Variants in CCSER1 observed in about 807,000 individuals in gnomAD.
CCSER1 encodes the protein coiled-coil serine rich protein 1, also known as serine-rich coiled-coil domain-containing protein 1.
In CCSER1, 41 loss-of-function variants were observed where a neutral mutation model predicts 82.0. That is an observed-to-expected ratio of 0.50 (90% confidence interval 0.39 to 0.65). The LOEUF (loss-of-function observed/expected upper bound fraction) is 0.65, where lower values mean the gene tolerates loss of function less well. Ranked by LOEUF, CCSER1 falls within the 30% of genes least tolerant of loss-of-function variation. The pLI is 0.00. For missense variants in CCSER1, 1,119 were observed against 1,064.2 expected, an observed-to-expected ratio of 1.05 and a Z score of -0.72; for synonymous variants, 414 against 383.9, an observed-to-expected ratio of 1.08 and a Z score of -0.92.
In CCSER1 at chr4:90,497,817, C is replaced by T. The variant is rs552066472; in HGVS notation, c.1724+29463C>T. ...ATTAAGCTAAAGAGATGTAACTTGG[C>T]TTTATCTAAAGGTGGGATTCAGGTC... is the stretch of plus-strand genomic sequence containing the variant. On this transcript the variant is annotated intron_variant, in intron 5 of 10. Transcript: ENST00000509176. Among the ~76,000 whole-genome samples the T allele has an allele frequency of 7.2e-5, 11 of 152,206 alleles. No homozygotes were observed. The South Asian group carries it at 2.3e-3, about 32-fold the overall frequency.
chr4:90,469,319 T>G (rs977570453), intron 5 of CCSER1, among the ~76,000 whole-genome samples: 40 of 152,172 alleles, frequency 2.6e-4, no homozygotes, highest in African/African-American at 8.9e-4. Flanking sequence ...GTATTAATAT[T>G]CTTATTATAG....
intron 9 of CCSER1, among the ~76,000 whole-genome samples, chr4:91,070,929 TAAG>T (rs1250318196): frequency 6.6e-6 from 1 of 152,172 alleles, no homozygotes; most frequent in East Asian, 1.9e-4. Context: ...GATAGTGTGA[TAAG>T]AAAATGCTGA....
chr4:90,713,315 G>A (rs761300712), intron 6 of CCSER1, among the ~76,000 whole-genome samples: 1 of 152,016 alleles, frequency 6.6e-6, no homozygotes, highest in Non-Finnish European at 1.5e-5. Context: ...GCTTCCTTCA[G>A]GAGCTCTTGC....
intron 5 of CCSER1, among the ~76,000 whole-genome samples, chr4:90,565,654 G>GTGTGT (rs1779278561): frequency 1.3e-5 from 2 of 152,118 alleles, no homozygotes; most frequent in Admixed American, 6.6e-5. Context: ...TGTCATATAT[G>GTGTGT]ATTTTTATTA....
intron 8 of CCSER1, among the ~76,000 whole-genome samples, chr4:90,899,644 G>C (rs1468927517): frequency 6.6e-6 from 1 of 151,958 alleles, no homozygotes; most frequent in African/African-American, 2.4e-5. Context: ...AGATTGTTGA[G>C]GGTTTTTATC....
At chr4:90,548,749 T>TATATATATAC (rs950440676) in intron 5 of CCSER1, among the ~76,000 whole-genome samples, 36 of 147,846 alleles carry the variant, frequency 2.4e-4, no homozygotes, top group African/African-American at 7.8e-4. Context: ...TATATATATA[T>TATATATATAC]ACACACACAC....
At chr4:91,068,011 T>C (rs1029339270) in intron 9 of CCSER1, among the ~76,000 whole-genome samples, 3 of 152,224 alleles carry the variant, frequency 2.0e-5, no homozygotes, top group Admixed American at 6.5e-5. Context: ...ATGGAATTTA[T>C]TTAATTAGCT....
chr4:90,986,342 G>A (rs753140111), intron 9 of CCSER1, among the ~76,000 whole-genome samples: 8 of 151,620 alleles, frequency 5.3e-5, no homozygotes, highest in Non-Finnish European at 7.4e-5. Flanking sequence ...ACTAATATTC[G>A]TGAATATTTC....
At chr4:90,843,817 T>A (rs1762859505) in intron 8 of CCSER1, among the ~76,000 whole-genome samples, 1 of 152,156 alleles carries the variant, frequency 6.6e-6, no homozygotes, top group Non-Finnish European at 1.5e-5. Context: ...ATAAAATCTA[T>A]GTGTTGTTGT....
intron 5 of CCSER1, among the ~76,000 whole-genome samples, chr4:90,558,065 T>C (rs1778337505): frequency 6.6e-6 from 1 of 152,176 alleles, no homozygotes. Flanking sequence ...AATATGCAAC[T>C]AAGAAGGTTT....
intron 3 of CCSER1, among the ~76,000 whole-genome samples, chr4:90,353,821 A>G (rs1488687524): frequency 1.3e-5 from 2 of 152,166 alleles, no homozygotes; most frequent in South Asian, 2.1e-4. Flanking sequence ...GGCCGGAGGA[A>G]CCCCACCAGA....
chr4:90,337,571 T>C (rs945880522), intron 3 of CCSER1, among the ~76,000 whole-genome samples: 2 of 152,122 alleles, frequency 1.3e-5, no homozygotes, highest in African/African-American at 4.8e-5. Context: ...AATTGAGATA[T>C]ATAGATAGTA....
At chr4:90,831,316 T>C (rs748179327) in intron 8 of CCSER1, among the ~76,000 whole-genome samples, 31 of 152,214 alleles carry the variant, frequency 2.0e-4, no homozygotes, top group Middle Eastern at 3.2e-3. Flanking sequence ...GTATTCATTA[T>C]TTTCTATCAT....
chr4:90,471,325 C>G (rs923617395), intron 5 of CCSER1, among the ~76,000 whole-genome samples: 1 of 151,832 alleles, frequency 6.6e-6, no homozygotes, highest in African/African-American at 2.4e-5. Context: ...CTCCCAGATA[C>G]TCACAAGGCT....
chr4:91,249,692 AGTTT>A (rs1740101223), intron 10 of CCSER1, among the ~76,000 whole-genome samples: 1 of 152,038 alleles, frequency 6.6e-6, no homozygotes, highest in Non-Finnish European at 1.5e-5. Flanking sequence ...TGAGTCCTAA[AGTTT>A]GTTTATAATA....
At chr4:91,389,523 C>A (rs774998887) in intron 10 of CCSER1, among the ~76,000 whole-genome samples, 1 of 151,880 alleles carries the variant, frequency 6.6e-6, no homozygotes, top group Non-Finnish European at 1.5e-5. Context: ...CGTCTTCTAA[C>A]TTTGTTTTTT....
intron 10 of CCSER1, among the ~76,000 whole-genome samples, chr4:91,556,335 C>T (rs555264518): frequency 6.7e-6 from 1 of 149,868 alleles, no homozygotes; most frequent in African/African-American, 2.5e-5. Flanking sequence ...ATGGCTCTAA[C>T]CTTCTTTTTT....
intron 10 of CCSER1, among the ~76,000 whole-genome samples, chr4:91,156,748 T>C (rs1271426282): frequency 2.0e-5 from 3 of 151,872 alleles, no homozygotes. Flanking sequence ...TTCTCTCCTT[T>C]TAAATGCCAG....
At chr4:90,891,242 T>C (rs1722922674) in intron 8 of CCSER1, among the ~76,000 whole-genome samples, 1 of 151,738 alleles carries the variant, frequency 6.6e-6, no homozygotes, top group South Asian at 2.1e-4. Flanking sequence ...AGAATTAATA[T>C]AGTATACTAA....
Sources: gnomAD v4.1 joint callset for allele counts (sites outside exome capture counted in the v4.1 genomes callset) on GRCh38, gnomAD v4.1.1 for gene constraint, MANE v1.5 for transcripts, NCBI Gene and HGNC (gene_info 2026-07-23, HGNC 2026-07-21) for gene names.